The following PRKN variants were observed in gnomAD, a reference collection of about 807,000 sequenced individuals.
PRKN encodes E3 ubiquitin-protein ligase parkin.
A neutral mutation model predicts 59.5 loss-of-function variants in PRKN; 56 were observed. The ratio of observed to expected loss-of-function variants is 0.94; its 90% CI spans 0.76 to 1.18. The LOEUF is 1.18. Ranked by LOEUF, PRKN falls within the 50% of genes most tolerant of loss-of-function variation. The probability of loss-of-function intolerance (pLI) is 0.00; values close to 1 mark genes in which losing one functional copy is unlikely to be tolerated. For missense variants in PRKN, 657 were observed against 596.4 expected, an observed-to-expected ratio of 1.10 and a Z score of -1.06; for synonymous variants, 250 against 222.1, an observed-to-expected ratio of 1.13 and a Z score of -1.12.
At chr6:162,665,539 C>T (rs1173511968) in intron 1 of PRKN, among the ~76,000 whole-genome samples, 1 of 152,032 alleles carries the variant, frequency 6.6e-6, no homozygotes, top group Admixed American at 6.6e-5. Context: ...AGATAGGACA[C>T]AAACAAATGG....
rs35664661 is a variant in PRKN at position 161,877,461 on chromosome 6, A to ATTTTTTTTT, written c.735-91562_735-91554dup. ...AATGCAAATATGGAAACATATTTGC[A>ATTTTTTTTT]TTTTTTTTTTTTTTTTGAGACAGAG... On this transcript the variant is annotated intron_variant, in intron 6 of 11. Transcript: ENST00000366898. Among the ~76,000 whole-genome samples, 4 of 141,338 alleles carry ATTTTTTTTT rather than the reference A, an allele frequency of 2.8e-5. No homozygotes were observed. The South Asian group carries it at 9.2e-4, about 33-fold the overall frequency. 92.7% of individuals were successfully genotyped at this position (141,338 alleles called of 152,430 possible). A position where few individuals can be genotyped will look rare whatever the true frequency, so the allele number is the denominator to read the frequency against.
At chr6:161,762,911 T>C (rs1184386145) in intron 7 of PRKN, among the ~76,000 whole-genome samples, 1 of 152,150 alleles carries the variant, frequency 6.6e-6, no homozygotes, top group Non-Finnish European at 1.5e-5. Flanking sequence ...TACAAATGTA[T>C]ACCAATAACA....
In PRKN at chr6:162,036,807, A is replaced by AAACTATAAGAAATT. The variant is rs199964653; in HGVS notation, c.618+17283_618+17284insAATTTCTTATAGTT. ...AATATATGAAATGGTCATAAGAAAC[A>AAACTATAAGAAATT]AACTATAAGAAATAATTTCTTATAC... On this transcript the variant is annotated intron_variant, in intron 5 of 11. Transcript: ENST00000366898. Among the ~76,000 whole-genome samples the AAACTATAAGAAATT allele has an allele frequency of 5.8e-3, 885 of 152,342 alleles. 3 individuals are homozygous for AAACTATAAGAAATT. Among genetic ancestry groups the AAACTATAAGAAATT allele is most frequent in the Middle Eastern group, 0.017 (5 of 294 alleles).
chr6:161,670,310 C>T (rs968380842), intron 7 of PRKN, among the ~76,000 whole-genome samples: 4 of 152,104 alleles, frequency 2.6e-5, no homozygotes, highest in Non-Finnish European at 5.9e-5. Flanking sequence ...ACAACAGAAA[C>T]GCATCCTCTC....
At chr6:161,891,261 A>C (rs1795333155) in intron 6 of PRKN, among the ~76,000 whole-genome samples, 1 of 152,184 alleles carries the variant, frequency 6.6e-6, no homozygotes. Flanking sequence ...TGATAGGATC[A>C]CAGCCAAGTT....
intron 6 of PRKN, among the ~76,000 whole-genome samples, chr6:161,904,308 GGTT>G (rs1466634632): frequency 4.2e-4 from 48 of 114,450 alleles, no homozygotes; most frequent in African/African-American, 8.3e-4. Flanking sequence ...GAATTTGTGG[GGTT>G]TTTTTTTTTT....
chr6:162,092,526 A>G (rs561010081), intron 4 of PRKN, among the ~76,000 whole-genome samples: 16 of 152,306 alleles, frequency 1.1e-4, no homozygotes, highest in Non-Finnish European at 1.9e-4. Flanking sequence ...TATTAATTGC[A>G]TGCATTATTA....
At chr6:161,496,016 C>A (rs1777736143) in intron 9 of PRKN, among the ~76,000 whole-genome samples, 1 of 152,236 alleles carries the variant, frequency 6.6e-6, no homozygotes, top group African/African-American at 2.4e-5. Flanking sequence ...TGGGGGCATG[C>A]TGTGACCATC....
At chr6:162,288,588 C>T (rs995536373) in intron 2 of PRKN, among the ~76,000 whole-genome samples, 4 of 152,112 alleles carry the variant, frequency 2.6e-5, no homozygotes, top group Admixed American at 6.6e-5. Flanking sequence ...AGCAAGTCAT[C>T]GTAAGTTCTA....
At chr6:161,586,159 G>GT (rs1183312485) in intron 7 of PRKN, among the ~76,000 whole-genome samples, 2 of 152,068 alleles carry the variant, frequency 1.3e-5, no homozygotes, top group African/African-American at 4.8e-5. Flanking sequence ...AGGACTGCAG[G>GT]TATCTGCCAC....
chr6:162,079,639 A>C (rs1244969006), intron 4 of PRKN, among the ~76,000 whole-genome samples: 1 of 151,962 alleles, frequency 6.6e-6, no homozygotes, highest in African/African-American at 2.4e-5. Context: ...AACACAGCTC[A>C]GGGAGTCTTT....
At chr6:161,709,780 T>C (rs886248039) in intron 7 of PRKN, among the ~76,000 whole-genome samples, 7 of 152,206 alleles carry the variant, frequency 4.6e-5, no homozygotes, top group Admixed American at 1.3e-4. Context: ...TTAAGCATTA[T>C]ATAAGAATTC....
intron 6 of PRKN, among the ~76,000 whole-genome samples, chr6:161,944,825 C>G (rs982981647): frequency 6.6e-6 from 1 of 152,152 alleles, no homozygotes; most frequent in East Asian, 1.9e-4. Flanking sequence ...CTCAGCCAGG[C>G]AGAGACTTTG....
intron 7 of PRKN, among the ~76,000 whole-genome samples, chr6:161,766,361 G>T (rs2094738788): frequency 6.7e-6 from 1 of 149,492 alleles, no homozygotes; most frequent in Admixed American, 6.7e-5. Context: ...AGGCTGGAGT[G>T]CAGTGGCTCA....
In PRKN at chr6:161,461,318, G is replaced by C. The variant is rs533563720; in HGVS notation, c.1084-74441C>G. 5.3e-5 allele frequency among the ~76,000 whole-genome samples: 8 copies of C among 152,326 alleles called. No homozygotes were observed. The highest frequency in any genetic ancestry group is 1.9e-4 in the African/African-American group (8 of 41,572). On this transcript the variant is annotated intron_variant, in intron 9 of 11. Coordinates refer to ENST00000366898, the MANE Select transcript of PRKN (RefSeq NM_004562.3). This position sits in a 1 kb window ranked among gnomAD's most constrained non-coding sequence, Gnocchi z 5.1. ...CGCTGGAGATGAGGGGGATGGTGGA[G>C]AGGGAGGGTAGGTGGAAGATGAGGC...
intron 7 of PRKN, among the ~76,000 whole-genome samples, chr6:161,693,538 G>A (rs1785891791): frequency 1.3e-5 from 2 of 152,144 alleles, no homozygotes; most frequent in African/African-American, 4.8e-5. Context: ...AGCAATAGGA[G>A]TTGTGGAGGC....
At position 161,405,026 on chromosome 6, in the gene PRKN, T is replaced by A. The variant is rs1264574063; in HGVS notation, c.1084-18149A>T. ...ATACGTTTAATGTTTTATATTTTCA[T>A]TGAAGGCAGGAAGATAGACTAAATG... On this transcript the variant is annotated intron_variant, in intron 9 of 11. Transcript: ENST00000366898. This position sits in a 1 kb window ranked among gnomAD's most constrained non-coding sequence, Gnocchi z 5.1. Among the ~76,000 whole-genome samples, 4 of 152,190 alleles carry A rather than the reference T, an allele frequency of 2.6e-5. No individual in the cohort carries two copies. The highest frequency in any genetic ancestry group is 9.7e-5 in the African/African-American group (4 of 41,430).
intron 4 of PRKN, among the ~76,000 whole-genome samples, chr6:162,175,348 C>T (rs1258818517): frequency 6.6e-6 from 1 of 152,140 alleles, no homozygotes; most frequent in Non-Finnish European, 1.5e-5. Flanking sequence ...TGTTTATTGC[C>T]TTTTATATCT....
chr6:161,986,201 G>A (rs961486223), intron 5 of PRKN, among the ~76,000 whole-genome samples: 5 of 152,150 alleles, frequency 3.3e-5, no homozygotes, highest in Non-Finnish European at 5.9e-5. Flanking sequence ...TTACAAGTAG[G>A]TATAAACATG....
Sources: gnomAD v4.1 joint callset for allele counts (sites outside exome capture counted in the v4.1 genomes callset) on GRCh38, gnomAD v4.1.1 for gene constraint, Gnocchi (gnomAD v3.1) non-coding constraint, MANE v1.5 for transcripts, NCBI Gene and HGNC (gene_info 2026-07-23, HGNC 2026-07-21) for gene names.